PES1: variants seen among roughly 807,000 people sequenced by gnomAD.
The protein encoded by PES1 is pescadillo ribosomal biogenesis factor 1, also known as pescadillo homolog.
A neutral mutation model predicts 77.1 loss-of-function variants in PES1; 31 were observed. The observed-to-expected ratio is 0.40, with a 90% CI of 0.30 to 0.54. The LOEUF (loss-of-function observed/expected upper bound fraction) is 0.54. Among genes scored for constraint, PES1 ranks in the 20% least tolerant of loss-of-function variants. The pLI, the probability that PES1 is intolerant of heterozygous loss-of-function variation, is 0.45. For synonymous variants in PES1, 282 were observed against 303.0 expected (o/e 0.93, Z 0.72); for missense variants, 658 against 771.7 (o/e 0.85, Z 1.75).
chr22:30,605,725 C>G (rs1325386554), intron 1 of PES1, among the ~76,000 whole-genome samples: 1 of 152,186 alleles, frequency 6.6e-6, no homozygotes, highest in Non-Finnish European at 1.5e-5. Flanking sequence ...TCCTAGTGGC[C>G]ACATCCAGCC....
chr22:30,602,072 C>CTT (rs1192377164), intron 2 of PES1, among the ~76,000 whole-genome samples: 3 of 151,846 alleles, frequency 2.0e-5, no homozygotes, highest in Admixed American at 6.6e-5. Flanking sequence ...CACCTGGCCC[C>CTT]TTCTTTTCTT....
At chr22:30,602,971 C>T (rs147031223) in intron 2 of PES1, among the ~76,000 whole-genome samples, 4 of 152,044 alleles carry the variant, frequency 2.6e-5, no homozygotes, top group East Asian at 3.9e-4. Flanking sequence ...AGTGCAGTGG[C>T]GTAATCTTGG....
intron 2 of PES1, chr22:30,604,231 A>G (rs1213653598): frequency 1.3e-5 from 2 of 152,254 alleles, no homozygotes; most frequent in Non-Finnish European, 2.9e-5. Context: ...ATAGGATATC[A>G]AACAGCAAAT....
chr22:30,576,707 G>A lies in PES1; in HGVS notation c.*339C>T. On this transcript the variant is annotated 3_prime_UTR_variant, in exon 15 of 15. Transcript: ENST00000354694. ...CATCACAGCACCCTGAGAATCACGG[G>A]TCCAACTGTGTGGGAGGGGGCTGTG... 1 of 361,452 alleles carries A rather than the reference G, an allele frequency of 2.8e-6. No homozygotes were observed. The highest frequency in any genetic ancestry group is 5.1e-6 in the Non-Finnish European group (1 of 196,928). 22.4% of individuals were successfully genotyped at this position (361,452 alleles called of 1,614,324 possible).
At position 30,584,463 on chromosome 22, in the gene PES1, G is replaced by A. The variant is rs2146467974; in HGVS notation, c.541-9C>T. 6.2e-7 allele frequency: 1 copy of A among 1,611,270 alleles called. No homozygotes were observed. Among genetic ancestry groups the A allele is most frequent in the South Asian group, 1.1e-5 (1 of 90,588 alleles). On this transcript the variant is annotated splice_polypyrimidine_tract_variant and intron_variant, in intron 5 of 14. Transcript: ENST00000354694. The stretch of plus-strand genomic sequence containing the variant: ...TTGATGGACAGGAAGACCTAGGGGA[G>A]AGGAGGAGACATCTGGGTGAAGACC...
rs1172756785 is a variant in PES1, at chr22:30,601,693, T to G, written c.-661+3768A>C. On this transcript the variant is annotated intron_variant, in intron 2 of 16. Transcript: ENST00000402281. The stretch of plus-strand genomic sequence containing the variant: ...TATATGCAATATTTCATTGTATAGA[T>G]GTACCGCAATTTGTTTATGCATTCA... 7 of 152,240 alleles carry G rather than the reference T, an allele frequency of 4.6e-5. No homozygotes were observed. The East Asian group carries it at 9.6e-4, about 21-fold the overall frequency. 9.4% of individuals were successfully genotyped at this position (152,240 alleles called of 1,614,324 possible). A position where few individuals can be genotyped will look rare whatever the true frequency, so the allele number is the denominator to read the frequency against.
At chr22:30,578,751 G>A (rs1231742792) in intron 14 of PES1, 86 bp downstream of exon 14, 1 of 1,435,726 alleles carries the variant, frequency 7.0e-7, no homozygotes. Flanking sequence ...AGTCTGCCTA[G>A]AGGAGGGCCC....
intron 6 of PES1, chr22:30,584,130 G>C: frequency 1.8e-6 from 1 of 561,312 alleles, no homozygotes; most frequent in Admixed American, 3.0e-5. Flanking sequence ...GGCACAGAGA[G>C]GTGAAAGGAA....
chr22:30,603,746 G>C (rs2087395124), intron 2 of PES1: 2 of 152,272 alleles, frequency 1.3e-5, no homozygotes, highest in Middle Eastern at 6.8e-3. Context: ...TATAGAACTA[G>C]AGTTGTGTAT....
intron 1 of PES1, among the ~76,000 whole-genome samples, chr22:30,590,929 C>T (rs757909986): frequency 1.3e-5 from 2 of 152,198 alleles, no homozygotes; most frequent in East Asian, 3.8e-4. Flanking sequence ...CGATGGCTAG[C>T]ACTGGATACT....
At position 30,581,563 on chromosome 22, in the gene PES1, G is replaced by C. The variant is rs1427718224; in HGVS notation, c.712C>G (p.Leu238Val). 1 of 1,613,918 alleles carries C rather than the reference G, an allele frequency of 6.2e-7. No individual in the cohort carries two copies. The highest frequency in any genetic ancestry group is 8.5e-7 in the Non-Finnish European group (1 of 1,180,006). The stretch of plus-strand genomic sequence containing the variant: ...TAGTGGAGGTTGAGCAACTGGTAAA[G>C]GCGGAAGTTGACAAAGCCCAGCAGC... Reference protein sequence around the residue: ...TTLLGFVNFRLYQLLNLHYPP... With the variant: ...TTLLGFVNFRVYQLLNLHYPP... Residue 238 changes from leucine to valine, a missense_variant, in exon 7 of 15, where the codon CTT becomes GTT. Physicochemically the swap from Leu to Val is conservative, Grantham distance 32. Coordinates refer to ENST00000354694, the MANE Select transcript of PES1 (RefSeq NM_014303.4).
At chr22:30,592,963 GTTT>G (rs33961447), upstream of PES1, among the ~76,000 whole-genome samples, 4 of 149,040 alleles carry the variant, frequency 2.7e-5, no homozygotes, top group Admixed American at 6.7e-5. Flanking sequence ...ATTTTAAGAG[GTTT>G]TTTTTTTTTT....
chr22:30,592,488 C>A, upstream of PES1: 1 of 833,226 alleles, frequency 1.2e-6, no homozygotes, highest in Non-Finnish European at 1.4e-6. Context: ...GTGGTGGACT[C>A]GTGGTATATT....
At position 30,581,118 on chromosome 22, in the gene PES1, G is replaced by T; in HGVS notation, c.823-17C>A. On this transcript the variant is annotated splice_polypyrimidine_tract_variant and intron_variant, in intron 8 of 14. Transcript: ENST00000354694. ...TGCCAGTTTCTACAGGAGAGAAGGG[G>T]GCTGCTTGCAGTGGGGGACCTCATG... 2 of 1,592,860 alleles carry T rather than the reference G, an allele frequency of 1.3e-6. No individual in the cohort carries two copies. Among genetic ancestry groups the T allele is most frequent in the Non-Finnish European group, 1.7e-6 (2 of 1,167,816 alleles).
rs565371027 is a variant in PES1, at chr22:30,581,272, G to A, written c.822+62C>T. 5.2e-6 allele frequency: 8 copies of A among 1,534,266 alleles called. No individual in the cohort carries two copies. The South Asian group carries it at 7.9e-5, about 15-fold the overall frequency. On this transcript the variant is annotated intron_variant, in intron 8 of 14. Transcript: ENST00000354694. Reference sequence around the variant, plus strand: ...CCCCACTCTGAACCAGACCCCCAGAGGTGTTGGGGACAGAGACCACTCCCT... The same window carrying A: ...CCCCACTCTGAACCAGACCCCCAGAAGTGTTGGGGACAGAGACCACTCCCT...
chr22:30,580,709 G>A lies in PES1; in HGVS notation c.913-8C>T, dbSNP rs2086970638. On this transcript the variant is annotated splice_polypyrimidine_tract_variant and splice_region_variant and intron_variant, in intron 9 of 14. Transcript: ENST00000354694. ...CTCCTGCGCTGACATCTCCTGTTGA[G>A]AAAGGGGCCAGGCCTCGCACCACCA... 6.2e-7 allele frequency: 1 copy of A among 1,612,784 alleles called. No individual in the cohort carries two copies. Among genetic ancestry groups the A allele is most frequent in the African/African-American group, 1.3e-5 (1 of 74,912 alleles).
intron 2 of PES1, among the ~76,000 whole-genome samples, chr22:30,599,805 C>T (rs980989439): frequency 4.6e-5 from 7 of 152,004 alleles, no homozygotes; most frequent in African/African-American, 1.2e-4. Flanking sequence ...GAGGCTGAGG[C>T]GGGGGAATCG....
chr22:30,596,567 C>G (rs765802169), upstream of PES1, among the ~76,000 whole-genome samples: 2 of 151,876 alleles, frequency 1.3e-5, no homozygotes, highest in Non-Finnish European at 2.9e-5. Context: ...TTCACAGCCT[C>G]CATTAGATTA....
exon 1 of PES1, chr22:30,606,861 G>A (rs1435964236): frequency 2.0e-6 from 2 of 1,023,816 alleles, no homozygotes; most frequent in Non-Finnish European, 2.3e-6. Flanking sequence ...GGCTAGGTGG[G>A]CACTACCAGG....
Sources: gnomAD v4.1 joint callset for allele counts (sites outside exome capture counted in the v4.1 genomes callset) on GRCh38, gnomAD v4.1.1 for gene constraint, MANE v1.5 for transcripts, NCBI Gene and HGNC (gene_info 2026-07-23, HGNC 2026-07-21) for gene names.